The following MAST4 variants were observed in gnomAD, a reference collection of about 807,000 sequenced individuals.
MAST4 encodes microtubule-associated serine/threonine-protein kinase 4.
Under a neutral mutation model 162.7 loss-of-function variants are expected in MAST4, and 89 were observed. That is an observed-to-expected ratio of 0.55 (90% confidence interval 0.46 to 0.65). The LOEUF (loss-of-function observed/expected upper bound fraction) is 0.65, where lower values mean the gene tolerates loss of function less well. Ranked by LOEUF, MAST4 falls within the 30% of genes least tolerant of loss-of-function variation. MAST4 has a pLI of 0.00. For synonymous variants in MAST4, 1,479 were observed against 1,361.1 expected, an observed-to-expected ratio of 1.09 and a Z score of -1.91; for missense variants, 3,153 against 3,374.0, an observed-to-expected ratio of 0.93 and a Z score of 1.62.
At position 66,710,765 on chromosome 5, in the gene MAST4, A is replaced by G. The variant is rs555431805; in HGVS notation, c.364-48944A>G. On this transcript the variant is annotated intron_variant, in intron 1 of 28. Transcript: ENST00000403625. Reference sequence around the variant, plus strand: ...TGTGTGAGAACGGCCAAGCTCTGGCATTGCTCCCAGGAGGTGCTTCCCCAA... The same window carrying G: ...TGTGTGAGAACGGCCAAGCTCTGGCGTTGCTCCCAGGAGGTGCTTCCCCAA... Among the ~76,000 whole-genome samples, 6 of 152,318 alleles carry G rather than the reference A, an allele frequency of 3.9e-5. No homozygotes were observed. The East Asian group carries it at 1.2e-3, about 29-fold the overall frequency.
intron 1 of MAST4, among the ~76,000 whole-genome samples, chr5:66,693,747 C>T (rs1330579774): frequency 1.5e-5 from 2 of 130,168 alleles, no homozygotes; most frequent in African/African-American, 3.0e-5. Context: ...ATGGTCCTCG[C>T]TCTCCTAGAA....
chr5:67,013,175 T>A (rs1056055890), intron 4 of MAST4, among the ~76,000 whole-genome samples: 1 of 152,224 alleles, frequency 6.6e-6, no homozygotes, highest in Non-Finnish European at 1.5e-5. Flanking sequence ...AATGCAGATC[T>A]TGACATCTGG....
At chr5:66,656,061 G>A (rs922326259) in intron 1 of MAST4, among the ~76,000 whole-genome samples, 9 of 152,174 alleles carry the variant, frequency 5.9e-5, no homozygotes, top group African/African-American at 2.2e-4. Flanking sequence ...CAAGAATCTG[G>A]GAATGAAGAA....
chr5:67,075,997 T>G (rs2150696167), intron 5 of MAST4, among the ~76,000 whole-genome samples: 1 of 152,294 alleles, frequency 6.6e-6, no homozygotes, highest in South Asian at 2.1e-4. Flanking sequence ...TAATTGGTGA[T>G]GTACTCAGGC....
intron 5 of MAST4, among the ~76,000 whole-genome samples, chr5:67,078,919 T>TATATAATATATATATATATATATATATA (rs1561622121): frequency 7.6e-5 from 5 of 65,874 alleles, no homozygotes; most frequent in East Asian, 7.3e-4. Flanking sequence ...TAAATATATA[T>TATATAATATATATATATATATATATATA]ATATATATAT....
chr5:66,618,042 G>C (rs944506111), intron 1 of MAST4, among the ~76,000 whole-genome samples: 2 of 151,306 alleles, frequency 1.3e-5, no homozygotes, highest in Admixed American at 6.6e-5. Context: ...ATGGGGGGGG[G>C]GCCCTGATTC....
At chr5:66,801,196 C>T (rs1239823305) in intron 3 of MAST4, among the ~76,000 whole-genome samples, 1 of 152,116 alleles carries the variant, frequency 6.6e-6, no homozygotes, top group Admixed American at 6.5e-5. Flanking sequence ...AGAATTTTAA[C>T]AGGCCTGTGT....
intron 4 of MAST4, among the ~76,000 whole-genome samples, chr5:66,980,597 A>C (rs1312603155): frequency 6.6e-6 from 1 of 152,218 alleles, no homozygotes; most frequent in African/African-American, 2.4e-5. Flanking sequence ...ATTCATCAGA[A>C]AGGGTGAAAA....
chr5:66,939,612 T>A (rs1233385793), intron 4 of MAST4, among the ~76,000 whole-genome samples: 1 of 152,178 alleles, frequency 6.6e-6, no homozygotes, highest in Admixed American at 6.6e-5. Context: ...TCTGAGGTAA[T>A]CTTTTGTCAT....
rs57743987 is a variant in MAST4 at position 66,789,988 on chromosome 5, A to ATTTTTTTTTTT, written c.642+1214_642+1224dup. ...CTTTATGTTTAACATGCTTATTAGA[A>ATTTTTTTTTTT]TTTTTTTTTTTTTTTTTTTTTTTTT... On this transcript the variant is annotated intron_variant, in intron 3 of 28. Coordinates refer to ENST00000403625, the MANE Select transcript of MAST4 (RefSeq NM_001164664.2). Among the ~76,000 whole-genome samples, 52 of 52,466 alleles carry ATTTTTTTTTTT rather than the reference A, an allele frequency of 9.9e-4. 5 individuals are homozygous for ATTTTTTTTTTT. Among genetic ancestry groups the ATTTTTTTTTTT allele is most frequent in the East Asian group, 4.3e-3 (6 of 1,394 alleles). 34.4% of individuals were successfully genotyped at this position (52,466 alleles called of 152,430 possible).
chr5:66,891,500 C>G (rs976461642), intron 3 of MAST4, among the ~76,000 whole-genome samples: 1 of 152,092 alleles, frequency 6.6e-6, no homozygotes, highest in Non-Finnish European at 1.5e-5. Flanking sequence ...ATCTTATTCC[C>G]CTCTTTAAAA....
chr5:67,109,839 G>A (rs1025993735), intron 10 of MAST4, among the ~76,000 whole-genome samples: 4 of 152,092 alleles, frequency 2.6e-5, no homozygotes, highest in South Asian at 2.1e-4. Flanking sequence ...CACATCAAGC[G>A]CCCTTTGATT....
rs193291823 is a variant in MAST4, at chr5:67,119,937, C to T, written c.1660-1080C>T. Reference sequence around the variant, plus strand: ...GAGTGAATTACCTTCTGAGGCAGTGCAAAGTAGATAAGAAAACAAAAAATA... The same window carrying T: ...GAGTGAATTACCTTCTGAGGCAGTGTAAAGTAGATAAGAAAACAAAAAATA... On this transcript the variant is annotated intron_variant, in intron 13 of 28. Coordinates refer to ENST00000403625, the MANE Select transcript of MAST4 (RefSeq NM_001164664.2). Among the ~76,000 whole-genome samples the T allele has an allele frequency of 7.8e-3, 1,184 of 151,722 alleles. 10 individuals are homozygous for T. The highest frequency in any genetic ancestry group is 0.013 in the Non-Finnish European group (859 of 67,922).
intron 4 of MAST4, among the ~76,000 whole-genome samples, chr5:67,049,037 A>ACT: frequency 1.9e-5 from 2 of 107,740 alleles, no homozygotes; most frequent in South Asian, 2.8e-4. Context: ...ATATATATAT[A>ACT]TATACGTGTA....
At chr5:66,997,371 T>A (rs1485138707) in intron 4 of MAST4, among the ~76,000 whole-genome samples, 1 of 152,068 alleles carries the variant, frequency 6.6e-6, no homozygotes, top group Non-Finnish European at 1.5e-5. Flanking sequence ...ATTATCTTTT[T>A]TTAATCTTTA....
chr5:66,695,777 T>A (rs1044668054), intron 1 of MAST4, among the ~76,000 whole-genome samples: 2 of 152,136 alleles, frequency 1.3e-5, no homozygotes, highest in African/African-American at 4.8e-5. Flanking sequence ...GTTCAACCAT[T>A]GTGGAAGACA....
chr5:66,842,624 A>G (rs1758509938), intron 3 of MAST4, among the ~76,000 whole-genome samples: 1 of 152,092 alleles, frequency 6.6e-6, no homozygotes, highest in African/African-American at 2.4e-5. Context: ...TTTGATCTGT[A>G]TCAGCAGGAA....
Position 67,040,234 on chromosome 5 carries a change from A to C in MAST4, c.675-14170A>C, listed in dbSNP as rs1451326766. On this transcript the variant is annotated intron_variant, in intron 4 of 28. Coordinates refer to ENST00000403625, the MANE Select transcript of MAST4 (RefSeq NM_001164664.2). ...ATATAAAAAGAGGCATGATCCAGAA[A>C]TATGGATTTGATTTTGAAATCCACT... Among the ~76,000 whole-genome samples, 3 of 152,196 alleles carry C rather than the reference A, an allele frequency of 2.0e-5. No homozygotes were observed. In the East Asian group the frequency reaches 5.8e-4, roughly 29 times the overall value.
intron 5 of MAST4, among the ~76,000 whole-genome samples, chr5:67,077,971 C>T (rs891055086): frequency 2.6e-5 from 4 of 152,080 alleles, no homozygotes; most frequent in East Asian, 1.9e-4. Flanking sequence ...TGGAGGTAGG[C>T]GCCTGTATTC....
Sources: allele counts gnomAD v4.1 joint callset (sites outside exome capture counted in the v4.1 genomes callset), GRCh38; gene constraint gnomAD v4.1.1; transcripts MANE v1.5; gene names NCBI Gene and HGNC (gene_info 2026-07-23, HGNC 2026-07-21).